Variants in RTKN2 observed in about 807,000 individuals in gnomAD.
RTKN2 encodes the protein rhotekin 2.
A neutral mutation model predicts 71.5 loss-of-function variants in RTKN2; 69 were observed. That is an observed-to-expected ratio of 0.96 (90% CI 0.79 to 1.18). The LOEUF is 1.18. Among genes scored for constraint, RTKN2 ranks in the 50% most tolerant of loss-of-function variants. RTKN2 has a pLI of 0.00. For synonymous variants in RTKN2, 236 were observed against 236.5 expected (o/e 1.00, Z 0.02); for missense variants, 724 against 719.7 (o/e 1.01, Z -0.07).
intron 11 of RTKN2, 45 bp from the exon 12 acceptor site, chr10:62,198,488 A>T: frequency 7.7e-7 from 1 of 1,291,988 alleles, no homozygotes. Flanking sequence ...ATTCAAAAGC[A>T]GTATGTACTT....
intron 2 of RTKN2, 33 bp from the exon 3 acceptor site, chr10:62,246,090 TC>T (rs752884426): frequency 7.3e-7 from 1 of 1,371,508 alleles, no homozygotes; most frequent in Non-Finnish European, 1.0e-6. Context: ...GGAAAAAAGA[TC>T]TTTTCTAATA....
chr10:62,235,620 T>G (rs367886875), intron 6 of RTKN2, among the ~76,000 whole-genome samples: 1 of 151,910 alleles, frequency 6.6e-6, no homozygotes, highest in Admixed American at 6.6e-5. Context: ...ATGAACAAAA[T>G]TATTAAAAAT....
chr10:62,261,844 T>C (rs1043096345), intron 2 of RTKN2, among the ~76,000 whole-genome samples: 2 of 152,178 alleles, frequency 1.3e-5, no homozygotes, highest in African/African-American at 2.4e-5. Context: ...ACAGTCACTA[T>C]TGTCTAACAA....
intron 9 of RTKN2, among the ~76,000 whole-genome samples, chr10:62,209,390 T>C (rs1026901510): frequency 2.7e-5 from 1 of 37,072 alleles, no homozygotes; most frequent in Non-Finnish European, 8.6e-5. Flanking sequence ...GTCTATGGTG[T>C]GTGTGTGTGT....
chr10:62,205,034 G>GA lies in RTKN2; in HGVS notation c.1021-13dup, dbSNP rs775235343. On this transcript the variant is annotated splice_polypyrimidine_tract_variant and intron_variant, in intron 9 of 11. Coordinates refer to ENST00000373789, the MANE Select transcript of RTKN2 (RefSeq NM_145307.4). ...CGGATTCTGGTTTCCTAAAAATTAA[G>GA]AAAAAAATTGGGGTTTTGCATGAGA... The GA allele has an allele frequency of 3.8e-6, 6 of 1,567,030 alleles. No homozygotes were observed. The highest frequency in any genetic ancestry group is 5.1e-6 in the Non-Finnish European group (6 of 1,166,658).
chr10:62,265,156 A>G lies in RTKN2; in HGVS notation c.61-2335T>C, dbSNP rs1046507385. ...GAAGATGATGTAAGATTAAAGTACT[A>G]TTTATTAAGGAAATGAGGTGTATCT... On this transcript the variant is annotated intron_variant, in intron 1 of 11. Coordinates refer to ENST00000373789, the MANE Select transcript of RTKN2 (RefSeq NM_145307.4). Among the ~76,000 whole-genome samples the G allele has an allele frequency of 3.9e-5, 6 of 152,202 alleles. No homozygotes were observed. The East Asian group carries it at 7.7e-4, about 20-fold the overall frequency.
At chr10:62,248,620 G>A (rs1472949409) in intron 2 of RTKN2, among the ~76,000 whole-genome samples, 1 of 152,040 alleles carries the variant, frequency 6.6e-6, no homozygotes, top group Non-Finnish European at 1.5e-5. Context: ...ATTTGTAAAT[G>A]CTAATTTAAA....
intron 3 of RTKN2, among the ~76,000 whole-genome samples, chr10:62,243,960 G>A (rs1345313659): frequency 1.3e-5 from 2 of 151,932 alleles, no homozygotes; most frequent in Non-Finnish European, 2.9e-5. Context: ...ATATAATTAC[G>A]GTAAATACTA....
rs887184910 is a variant in RTKN2 at position 62,198,061 on chromosome 10, A to G, written c.1677T>C (p.Pro559=). The stretch of plus-strand genomic sequence containing the variant: ...TTCTCCTGGCAGGCAGAAGTTTTCG[A>G]GGAGCAGCCATTGGTTTCTGTAAGT... The part of the protein sequence containing the change: ...MHHLQKPMAA[P]RKLLPARRNR... Residue 559 remains proline, a synonymous_variant, in exon 12 of 12, where the codon CCT becomes CCC. Transcript: ENST00000373789. 6.8e-6 allele frequency: 11 copies of G among 1,613,942 alleles called. No homozygotes were observed. The East Asian group carries it at 1.1e-4, about 16-fold the overall frequency.
rs1056678742 is a variant in RTKN2 at position 62,268,565 on chromosome 10, GC to G, written c.45del (p.Leu16PhefsTer13). ...SLRGPALRLA[G>X]LPTQQDCNIQ... ...CCGCAACTCACCTGCTGGGTGGGAA[GC>G]CCCGCCAGGCGGAGCGCAGGACCCC... On this transcript the variant is annotated frameshift_variant, in exon 1 of 12. Coordinates refer to ENST00000373789, the MANE Select transcript of RTKN2 (RefSeq NM_145307.4). LOFTEE classifies it high-confidence loss of function. 3 of 1,563,706 alleles carry G rather than the reference GC, an allele frequency of 1.9e-6. No individual in the cohort carries two copies. The highest frequency in any genetic ancestry group is 2.6e-6 in the Non-Finnish European group (3 of 1,154,050).
At chr10:62,265,101 T>C (rs990733338) in intron 1 of RTKN2, among the ~76,000 whole-genome samples, 1 of 68,812 alleles carries the variant, frequency 1.5e-5, no homozygotes, top group Non-Finnish European at 3.4e-5. Context: ...AAAGTCAGGA[T>C]TAAAAAAAAA....
intron 7 of RTKN2, 126 bp from the exon 8 acceptor site, chr10:62,218,427 T>A: frequency 1.7e-6 from 1 of 594,380 alleles, no homozygotes; most frequent in Non-Finnish European, 2.9e-6. Flanking sequence ...ATTTTAGAAT[T>A]AGTTTCATGT....
Position 62,248,009 on chromosome 10 carries a change from G to A in RTKN2, c.258-1952C>T, listed in dbSNP as rs148170740. Among the ~76,000 whole-genome samples the A allele has an allele frequency of 5.2e-4, 79 of 152,140 alleles. 1 individual carries two copies. The highest frequency in any genetic ancestry group is 3.8e-4 in the Non-Finnish European group (26 of 67,920). On this transcript the variant is annotated intron_variant, in intron 2 of 11. Transcript: ENST00000373789. ...AAATTTGAGGCTTTGGCAGGCGAAT[G>A]AAATTCTGAAATACTAGAACTACCA...
At chr10:62,200,000 G>A in intron 10 of RTKN2, 139 bp from the exon 11 acceptor site, 1 of 555,850 alleles carries the variant, frequency 1.8e-6, no homozygotes, top group Non-Finnish European at 3.2e-6. Context: ...GTTAAGGGAG[G>A]CTTGCAGAAA....
At chr10:62,190,541 G>A (rs1771007185), downstream of RTKN2, among the ~76,000 whole-genome samples, 1 of 152,076 alleles carries the variant, frequency 6.6e-6, no homozygotes. Flanking sequence ...ACCTCCAAAG[G>A]CATCAACTCA....
chr10:62,229,640 T>C (rs1842106825), intron 6 of RTKN2, among the ~76,000 whole-genome samples: 1 of 152,194 alleles, frequency 6.6e-6, no homozygotes, highest in Non-Finnish European at 1.5e-5. Context: ...TGTTAAACAC[T>C]ATTAGTGTGC....
At chr10:62,184,767 C>T (rs945624978) in intron 8 of RTKN2, among the ~76,000 whole-genome samples, 6 of 152,114 alleles carry the variant, frequency 3.9e-5, no homozygotes, top group Non-Finnish European at 7.4e-5. Context: ...TTCTCAACAA[C>T]CAAATAACCC....
chr10:62,254,387 T>C (rs934079972), intron 2 of RTKN2, among the ~76,000 whole-genome samples: 2 of 152,202 alleles, frequency 1.3e-5, no homozygotes, highest in Admixed American at 6.5e-5. Context: ...TTGCCATGAC[T>C]GTAAGTTTCC....
chr10:62,250,770 C>T (rs1564525751), intron 2 of RTKN2, among the ~76,000 whole-genome samples: 1 of 152,162 alleles, frequency 6.6e-6, no homozygotes. Flanking sequence ...GCTGGGACTA[C>T]AGGCACATGC....
Sources: allele counts gnomAD v4.1 joint callset (sites outside exome capture counted in the v4.1 genomes callset), GRCh38; gene constraint gnomAD v4.1.1; transcripts MANE v1.5; gene names NCBI Gene and HGNC (gene_info 2026-07-23, HGNC 2026-07-21).